HSD17B12: variants seen among roughly 807,000 people sequenced by gnomAD.
HSD17B12 encodes the protein hydroxysteroid 17-beta dehydrogenase 12, also known as very-long-chain 3-oxoacyl-CoA reductase.
Under a neutral mutation model 39.3 loss-of-function variants are expected in HSD17B12, and 32 were observed. That is an observed-to-expected ratio of 0.81 (90% confidence interval 0.61 to 1.09). The LOEUF (loss-of-function observed/expected upper bound fraction) is 1.09, where lower values mean the gene tolerates loss of function less well. HSD17B12 is among the 50% of genes least tolerant of loss of function. The probability of loss-of-function intolerance (pLI) is 0.00; values close to 1 mark genes in which losing one functional copy is unlikely to be tolerated. For synonymous variants in HSD17B12, 150 were observed against 146.7 expected (o/e 1.02, Z -0.16); for missense variants, 342 against 382.9 (o/e 0.89, Z 0.89).
intron 3 of HSD17B12, among the ~76,000 whole-genome samples, chr11:43,783,547 A>T (rs537400270): frequency 6.6e-6 from 1 of 152,016 alleles, no homozygotes; most frequent in South Asian, 2.1e-4. Flanking sequence ...ATTTCTCCTA[A>T]TGCTATCCCT....
chr11:43,711,279 A>C (rs1347813431), intron 1 of HSD17B12, among the ~76,000 whole-genome samples: 4 of 152,200 alleles, frequency 2.6e-5, no homozygotes, highest in Non-Finnish European at 4.4e-5. Flanking sequence ...GTACTGGATT[A>C]GTGTATCATT....
chr11:43,769,772 T>C (rs1248591882), intron 3 of HSD17B12, among the ~76,000 whole-genome samples: 1 of 152,260 alleles, frequency 6.6e-6, no homozygotes, highest in Non-Finnish European at 1.5e-5. Flanking sequence ...GTGGTTTATG[T>C]GCCTGGATGT....
chr11:43,816,028 T>C (rs1191455111), intron 5 of HSD17B12, among the ~76,000 whole-genome samples: 3 of 152,336 alleles, frequency 2.0e-5, no homozygotes, highest in African/African-American at 7.2e-5. Context: ...GTTCAGTAAT[T>C]TCTATGCTCC....
chr11:43,646,382 G>A, the HSD17B12 span: 1 of 152,140 alleles, frequency 6.6e-6, no homozygotes, highest in Admixed American at 6.5e-5. Context: ...ATTTTTAAAT[G>A]ATCCATATTG....
the HSD17B12 span, among the ~76,000 whole-genome samples, chr11:43,670,822 C>CTGCA: frequency 6.6e-6 from 1 of 152,076 alleles, no homozygotes; most frequent in Non-Finnish European, 1.5e-5. Context: ...GAGTTCAAGG[C>CTGCA]TGCAGTGAGC....
chr11:43,685,881 T>A (rs1448018826), intron 1 of HSD17B12, among the ~76,000 whole-genome samples: 1 of 152,260 alleles, frequency 6.6e-6, no homozygotes, highest in Admixed American at 6.5e-5. Flanking sequence ...AGGCACAGTT[T>A]CAAATTTGCA....
intron 4 of HSD17B12, among the ~76,000 whole-genome samples, chr11:43,804,818 C>G (rs1247742185): frequency 6.6e-6 from 1 of 152,182 alleles, no homozygotes; most frequent in African/African-American, 2.4e-5. Context: ...ATCAGAGTAA[C>G]TCTGTCTCTG....
At chr11:43,655,500 G>A in the HSD17B12 span, among the ~76,000 whole-genome samples, 1 of 151,966 alleles carries the variant, frequency 6.6e-6, no homozygotes, top group Non-Finnish European at 1.5e-5. Context: ...CAAAGGGAAT[G>A]CTTCCAGTTT....
intron 1 of HSD17B12, among the ~76,000 whole-genome samples, chr11:43,749,131 T>C (rs1194428729): frequency 6.6e-6 from 1 of 152,180 alleles, no homozygotes; most frequent in Non-Finnish European, 1.5e-5. Context: ...GATCAATATC[T>C]ATATCCAACC....
intron 1 of HSD17B12, chr11:43,724,178 T>C (rs1219158930): frequency 6.6e-6 from 1 of 151,978 alleles, no homozygotes; most frequent in Non-Finnish European, 1.5e-5. Context: ...AGTTTTTGAC[T>C]GCCTTCTCCA....
At chr11:43,827,096 A>G (rs1184592878) in intron 6 of HSD17B12, among the ~76,000 whole-genome samples, 1 of 152,194 alleles carries the variant, frequency 6.6e-6, no homozygotes, top group African/African-American at 2.4e-5. Context: ...GAGGGAGGGC[A>G]GATGTGGACA....
At chr11:43,821,991 A>G (rs1194526089) in intron 6 of HSD17B12, among the ~76,000 whole-genome samples, 3 of 152,122 alleles carry the variant, frequency 2.0e-5, no homozygotes, top group Non-Finnish European at 4.4e-5. Flanking sequence ...AGGTGGGAAA[A>G]CCATTCCTTC....
At chr11:43,715,879 ACTGATTTTAAGTCCT>A (rs1256623346) in intron 1 of HSD17B12, among the ~76,000 whole-genome samples, 1 of 152,150 alleles carries the variant, frequency 6.6e-6, no homozygotes, top group African/African-American at 2.4e-5. Context: ...GTTGGACTGC[ACTGATTTTAAGTCCT>A]CCTGCTAGGT....
chr11:43,835,051 A>G (rs901961765), intron 7 of HSD17B12, among the ~76,000 whole-genome samples: 1 of 152,212 alleles, frequency 6.6e-6, no homozygotes, highest in Non-Finnish European at 1.5e-5. Context: ...AAACTAGAAA[A>G]TGCGCTGAAG....
the HSD17B12 span, among the ~76,000 whole-genome samples, chr11:43,603,448 T>G: frequency 6.6e-6 from 1 of 152,332 alleles, no homozygotes; most frequent in East Asian, 1.9e-4. Context: ...GTTCTGCATT[T>G]TTTGTTCTCT....
intron 3 of HSD17B12, among the ~76,000 whole-genome samples, chr11:43,775,543 G>A (rs1421737293): frequency 6.6e-6 from 1 of 151,674 alleles, no homozygotes; most frequent in Non-Finnish European, 1.5e-5. Flanking sequence ...ATTCTATGAA[G>A]TTCTGCTTTC....
intron 4 of HSD17B12, among the ~76,000 whole-genome samples, chr11:43,810,983 C>T (rs552412713): frequency 1.9e-4 from 29 of 152,196 alleles, no homozygotes; most frequent in African/African-American, 5.5e-4. Context: ...TTTGGTTTGG[C>T]GAATCCTATA....
intron 3 of HSD17B12, among the ~76,000 whole-genome samples, chr11:43,758,761 GT>G (rs1950532968): frequency 6.6e-6 from 1 of 152,122 alleles, no homozygotes. Flanking sequence ...AAACTCAAAT[GT>G]AGCCACCATT....
chr11:43,557,652 A>G, the HSD17B12 span, among the ~76,000 whole-genome samples: 2 of 152,202 alleles, frequency 1.3e-5, no homozygotes, highest in Admixed American at 6.5e-5. Flanking sequence ...TTTATGCATG[A>G]TATCTTAAGG....
Sources: allele counts gnomAD v4.1 joint callset (sites outside exome capture counted in the v4.1 genomes callset), GRCh38; gene constraint gnomAD v4.1.1; transcripts MANE v1.5; gene names NCBI Gene and HGNC (gene_info 2026-07-23, HGNC 2026-07-21).